Variants in GALNT13 observed in about 807,000 individuals in gnomAD.
The protein encoded by GALNT13 is UDP-GalNAc:polypeptide N-acetylgalactosaminyltransferase 13.
A neutral mutation model predicts 64.2 loss-of-function variants in GALNT13; 28 were observed. The ratio of observed to expected loss-of-function variants is 0.44; its 90% CI spans 0.32 to 0.60. The LOEUF (loss-of-function observed/expected upper bound fraction) is 0.60. Ranked by LOEUF, GALNT13 falls within the 20% of genes least tolerant of loss-of-function variation. The pLI, the probability that GALNT13 is intolerant of heterozygous loss-of-function variation, is 0.05. For missense variants in GALNT13, 577 were observed against 669.8 expected (o/e 0.86, Z 1.53); for synonymous variants, 214 against 224.6 (o/e 0.95, Z 0.42).
intron 6 of GALNT13, among the ~76,000 whole-genome samples, chr2:154,244,090 A>G (rs1463210799): frequency 6.6e-6 from 1 of 151,880 alleles, no homozygotes; most frequent in East Asian, 1.9e-4. Context: ...AAATTTTGGT[A>G]CATTATGTTG....
the GALNT13 span, among the ~76,000 whole-genome samples, chr2:153,431,594 C>A: frequency 6.6e-6 from 1 of 152,200 alleles, no homozygotes; most frequent in East Asian, 1.9e-4. Flanking sequence ...TGCTCAACCT[C>A]CTGCTCCCTT....
intron 6 of GALNT13, among the ~76,000 whole-genome samples, chr2:154,244,546 G>A (rs1004817289): frequency 3.5e-4 from 53 of 152,114 alleles, no homozygotes; most frequent in African/African-American, 1.0e-3. Context: ...CATATCTAGG[G>A]ATGATTCAGA....
chr2:154,287,426 G>A, intron 8 of GALNT13: 1 of 439,444 alleles, frequency 2.3e-6, no homozygotes, highest in Non-Finnish European at 4.3e-6. Context: ...GCCCCAGTGA[G>A]GGCCCACCCT....
intron 4 of GALNT13, among the ~76,000 whole-genome samples, chr2:154,159,108 T>C (rs966925626): frequency 3.9e-5 from 6 of 151,942 alleles, no homozygotes. Context: ...TGGTCTTTTT[T>C]ATTATTTATT....
the GALNT13 span, among the ~76,000 whole-genome samples, chr2:153,556,479 T>C: frequency 1.3e-5 from 2 of 152,254 alleles, no homozygotes; most frequent in Non-Finnish European, 2.9e-5. Flanking sequence ...TATAATACTT[T>C]AGAAAAAGAT....
chr2:153,174,261 A>C, the GALNT13 span, among the ~76,000 whole-genome samples: 1 of 152,148 alleles, frequency 6.6e-6, no homozygotes, highest in African/African-American at 2.4e-5. Context: ...TTTGCATCCA[A>C]ATAGTTCGAT....
chr2:154,445,733 G>A, intron 12 of GALNT13: 2 of 998,846 alleles, frequency 2.0e-6, no homozygotes, highest in East Asian at 6.3e-5. Context: ...AGCTGCCTGA[G>A]AGAAGTAGCT....
the GALNT13 span, among the ~76,000 whole-genome samples, chr2:153,071,512 A>G: frequency 6.6e-6 from 1 of 152,190 alleles, no homozygotes; most frequent in Non-Finnish European, 1.5e-5. Context: ...GCAATAACCA[A>G]TGTGGTTATA....
intron 4 of GALNT13, among the ~76,000 whole-genome samples, chr2:154,176,598 A>C (rs1466467158): frequency 6.6e-6 from 1 of 152,084 alleles, no homozygotes; most frequent in Non-Finnish European, 1.5e-5. Context: ...AGAATTCCTG[A>C]TATCAAAAGA....
chr2:154,354,874 C>T (rs1338482551), intron 9 of GALNT13, among the ~76,000 whole-genome samples: 1 of 152,000 alleles, frequency 6.6e-6, no homozygotes, highest in East Asian at 1.9e-4. Context: ...TTCTTCATGT[C>T]AGGGTTCTTC....
At chr2:153,498,278 G>A in the GALNT13 span, among the ~76,000 whole-genome samples, 43 of 152,278 alleles carry the variant, frequency 2.8e-4, no homozygotes, top group South Asian at 8.7e-3. Context: ...GGATCCTTGG[G>A]GTGTCACTTC....
At chr2:153,314,738 A>ATATAAACAAAATAAAAC in the GALNT13 span, among the ~76,000 whole-genome samples, 2 of 152,098 alleles carry the variant, frequency 1.3e-5, no homozygotes, top group South Asian at 2.1e-4. Flanking sequence ...CAAAATAAAA[A>ATATAAACAAAATAAAAC]TACAACATGC....
At chr2:153,752,567 C>G in the GALNT13 span, among the ~76,000 whole-genome samples, 2 of 152,110 alleles carry the variant, frequency 1.3e-5, no homozygotes, top group East Asian at 1.9e-4. Flanking sequence ...TCATGCCACT[C>G]TCTCTCTTCT....
chr2:153,447,314 T>C, the GALNT13 span, among the ~76,000 whole-genome samples: 7 of 152,138 alleles, frequency 4.6e-5, no homozygotes, highest in Non-Finnish European at 1.0e-4. Context: ...TAAGCTCTCA[T>C]AGCTCTGGCC....
At chr2:153,447,294 A>G in the GALNT13 span, among the ~76,000 whole-genome samples, 15 of 152,334 alleles carry the variant, frequency 9.8e-5, no homozygotes, top group African/African-American at 2.2e-4. Flanking sequence ...CAGCTGGCCA[A>G]ATCCATAGCT....
At chr2:153,085,258 AG>A in the GALNT13 span, among the ~76,000 whole-genome samples, 2 of 152,178 alleles carry the variant, frequency 1.3e-5, no homozygotes, top group Non-Finnish European at 2.9e-5. Flanking sequence ...GAGCGAGAAA[AG>A]AAATACCCAT....
At chr2:153,116,545 C>T in the GALNT13 span, among the ~76,000 whole-genome samples, 1 of 152,014 alleles carries the variant, frequency 6.6e-6, no homozygotes, top group South Asian at 2.1e-4. Flanking sequence ...TACTTATATA[C>T]CTTAATCACT....
chr2:153,612,148 C>T, the GALNT13 span, among the ~76,000 whole-genome samples: 52 of 152,076 alleles, frequency 3.4e-4, 1 homozygote, highest in African/African-American at 1.3e-3. Context: ...GCTATTGTTT[C>T]GCGCCAGTTA....
chr2:153,222,976 G>C, the GALNT13 span, among the ~76,000 whole-genome samples: 1 of 152,220 alleles, frequency 6.6e-6, no homozygotes, highest in Non-Finnish European at 1.5e-5. Flanking sequence ...GACTCGGTGA[G>C]GGGGGTGTGA....
Sources: allele counts gnomAD v4.1 joint callset (sites outside exome capture counted in the v4.1 genomes callset), GRCh38; gene constraint gnomAD v4.1.1; transcripts MANE v1.5; gene names NCBI Gene and HGNC (gene_info 2026-07-23, HGNC 2026-07-21).